The following DGKH variants were observed in gnomAD, a reference collection of about 807,000 sequenced individuals.
DGKH encodes DAG kinase eta.
DGKH carries 90 observed loss-of-function variants against 159.3 expected under a neutral mutation model. That is an observed-to-expected ratio of 0.57 (90% CI 0.48 to 0.67). The LOEUF (loss-of-function observed/expected upper bound fraction) is 0.67. Ranked by LOEUF, DGKH falls within the 30% of genes least tolerant of loss-of-function variation. The pLI, the probability that DGKH is intolerant of heterozygous loss-of-function variation, is 0.00. For synonymous variants in DGKH, 536 were observed against 553.8 expected (o/e 0.97, Z 0.45); for missense variants, 1,181 against 1,506.1 (o/e 0.78, Z 3.57).
At chr13:42,210,287 C>T (rs1316115833) in intron 23 of DGKH, among the ~76,000 whole-genome samples, 2 of 151,916 alleles carry the variant, frequency 1.3e-5, no homozygotes, top group African/African-American at 4.8e-5. Context: ...CCTCCTACCT[C>T]AGCCCAGCTA....
chr13:42,136,958 T>C (rs1214328344), intron 3 of DGKH, among the ~76,000 whole-genome samples: 1 of 152,224 alleles, frequency 6.6e-6, no homozygotes, highest in Non-Finnish European at 1.5e-5. Context: ...CATACTCTTA[T>C]GGCACATCAA....
At chr13:42,209,821 A>G (rs986382843) in intron 23 of DGKH, among the ~76,000 whole-genome samples, 2 of 152,130 alleles carry the variant, frequency 1.3e-5, no homozygotes, top group Admixed American at 6.6e-5. Flanking sequence ...TATTAACTAA[A>G]GTCCATAGTT....
chr13:42,063,162 C>T (rs1245124230), intron 1 of DGKH, among the ~76,000 whole-genome samples: 2 of 151,886 alleles, frequency 1.3e-5, no homozygotes, highest in Non-Finnish European at 2.9e-5. Flanking sequence ...CCTGCTAGGG[C>T]AATGTATCTG....
At chr13:42,126,837 A>G (rs1384778874) in intron 1 of DGKH, among the ~76,000 whole-genome samples, 1 of 152,140 alleles carries the variant, frequency 6.6e-6, no homozygotes, top group Non-Finnish European at 1.5e-5. Flanking sequence ...AGGCGAGTTG[A>G]TGCTTCCTTC....
chr13:42,187,077 G>T lies in DGKH; in HGVS notation c.1567G>T (p.Val523Phe). The change falls in exon 14 of 30, where the codon GTT becomes TTT. Residue 523 changes from valine (V) to phenylalanine (F), a missense_variant. By Grantham distance (50) the Val-to-Phe change is conservative (BLOSUM62 -1). This residue lies in a region of DGKH where 257 missense variants were observed against 281.5 expected (regional missense o/e 0.91). Coordinates refer to ENST00000337343, the MANE Select transcript of DGKH (RefSeq NM_178009.5). ...GCTATGTGAAACTGTAAAGGACTTC[G>T]TTGCCAAAGTAGAAAAGACGTATGA... ...KTLCETVKDFVAKVEKTYDKT... is the reference protein window; with the variant it reads ...KTLCETVKDFFAKVEKTYDKT... 1 of 1,613,994 alleles carries T rather than the reference G, an allele frequency of 6.2e-7. No individual in the cohort carries two copies. Among genetic ancestry groups the T allele is most frequent in the Non-Finnish European group, 8.5e-7 (1 of 1,179,938 alleles).
chr13:42,209,152 C>G (rs1306940476), intron 22 of DGKH, 80 bp downstream of exon 22: 53 of 1,388,650 alleles, frequency 3.8e-5, no homozygotes, highest in Non-Finnish European at 2.6e-5. Flanking sequence ...AACTCGTACA[C>G]TGGATATTCA....
At chr13:42,207,064 T>C (rs1171660711) in intron 21 of DGKH, among the ~76,000 whole-genome samples, 4 of 107,176 alleles carry the variant, frequency 3.7e-5, no homozygotes. Flanking sequence ...TTTCCTTCCT[T>C]CTTTCTTTCT....
At chr13:42,116,011 TATG>T (rs1418462336) in intron 1 of DGKH, among the ~76,000 whole-genome samples, 3 of 152,232 alleles carry the variant, frequency 2.0e-5, no homozygotes, top group Admixed American at 1.3e-4. Flanking sequence ...TGAGGACTGT[TATG>T]ATGATAATAT....
chr13:42,166,683 T>G lies in DGKH; in HGVS notation c.1118+9T>G. ...GGAGGTCCTCATTTAGGGTAACTGATTATTGATAAATCTTATTTGAATACA... is the reference window on the plus strand; with the variant it reads ...GGAGGTCCTCATTTAGGGTAACTGAGTATTGATAAATCTTATTTGAATACA... On this transcript the variant is annotated intron_variant, in intron 9 of 29. Coordinates refer to ENST00000337343, the MANE Select transcript of DGKH (RefSeq NM_178009.5). 1 of 1,566,634 alleles carries G rather than the reference T, an allele frequency of 6.4e-7. No individual in the cohort carries two copies. Among genetic ancestry groups the G allele is most frequent in the Non-Finnish European group, 8.6e-7 (1 of 1,159,226 alleles).
At chr13:42,147,603 T>C (rs938620471) in intron 3 of DGKH, among the ~76,000 whole-genome samples, 1 of 152,312 alleles carries the variant, frequency 6.6e-6, no homozygotes, top group Admixed American at 6.5e-5. Context: ...AATGGATTGT[T>C]CCAATCTCTG....
At chr13:42,114,452 ACTC>A (rs576732538) in intron 1 of DGKH, among the ~76,000 whole-genome samples, 35,538 of 151,882 alleles carry the variant, frequency 0.23, 4,697 homozygotes, top group African/African-American at 0.35. Context: ...TGTGCCAGGA[ACTC>A]TGGTAAGCGC....
intron 1 of DGKH, chr13:42,070,023 C>A: frequency 1.1e-6 from 1 of 878,606 alleles, no homozygotes; most frequent in South Asian, 1.4e-5. Flanking sequence ...AGTCATAGTA[C>A]CTTTCCCAGT....
chr13:42,084,782 T>C (rs1200267538), intron 1 of DGKH, among the ~76,000 whole-genome samples: 1 of 152,084 alleles, frequency 6.6e-6, no homozygotes, highest in African/African-American at 2.4e-5. Flanking sequence ...TGGTAGTGTC[T>C]GGCAAAATGA....
At chr13:42,186,263 G>A (rs1158350140) in intron 13 of DGKH, among the ~76,000 whole-genome samples, 1 of 151,954 alleles carries the variant, frequency 6.6e-6, no homozygotes, top group Non-Finnish European at 1.5e-5. Context: ...ATAAGCCTTG[G>A]CTTTAAAAAA....
chr13:42,079,025 C>T (rs988012682), intron 1 of DGKH, among the ~76,000 whole-genome samples: 1 of 150,798 alleles, frequency 6.6e-6, no homozygotes, highest in Admixed American at 6.6e-5. Context: ...ATTCTCCTGC[C>T]TCAGCCTCCC....
At chr13:42,207,041 C>CTTTTTTT (rs1594207002) in intron 21 of DGKH, among the ~76,000 whole-genome samples, 1 of 53,946 alleles carries the variant, frequency 1.9e-5, no homozygotes, top group Non-Finnish European at 3.9e-5. Context: ...TTCTTTCTTT[C>CTTTTTTT]CTTCTTTCCT....
chr13:42,137,929 G>A (rs890092031), intron 3 of DGKH: 12 of 186,734 alleles, frequency 6.4e-5, no homozygotes, highest in South Asian at 1.8e-4. Context: ...ACTGCAGTGC[G>A]CAGGACCTGT....
At chr13:42,216,884 G>A (rs1334797889) in intron 26 of DGKH, among the ~76,000 whole-genome samples, 3 of 152,152 alleles carry the variant, frequency 2.0e-5, no homozygotes, top group Non-Finnish European at 4.4e-5. Flanking sequence ...GACCTATGAC[G>A]ATCATTTCTT....
At chr13:42,070,669 T>C (rs1593983188) in intron 1 of DGKH, 6 of 1,612,556 alleles carry the variant, frequency 3.7e-6, no homozygotes, top group Middle Eastern at 3.6e-4. Context: ...AGAGTGAATA[T>C]ACTTGAGCCC....
Sources: allele counts gnomAD v4.1 joint callset (sites outside exome capture counted in the v4.1 genomes callset), GRCh38; gene constraint gnomAD v4.1.1; regional missense constraint gnomAD v4.1.1; transcripts MANE v1.5; gene names NCBI Gene and HGNC (gene_info 2026-07-23, HGNC 2026-07-21).